Variants in GALNTL6 observed in about 807,000 individuals in gnomAD.
The protein encoded by GALNTL6 is polypeptide N-acetylgalactosaminyltransferase like 6, also known as polypeptide N-acetylgalactosaminyltransferase-like 6.
GALNTL6 carries 46 observed loss-of-function variants against 73.7 expected under a neutral mutation model. That is an observed-to-expected ratio of 0.62 (90% CI 0.49 to 0.80). The LOEUF (loss-of-function observed/expected upper bound fraction) is 0.80, where lower values mean the gene tolerates loss of function less well. GALNTL6 is among the 30% of genes least tolerant of loss of function. GALNTL6 has a pLI of 0.00. For missense variants in GALNTL6, 604 were observed against 755.0 expected (o/e 0.80, Z 2.34); for synonymous variants, 259 against 263.7 (o/e 0.98, Z 0.17).
intron 8 of GALNTL6, among the ~76,000 whole-genome samples, chr4:172,892,137 T>C (rs1746065819): frequency 6.6e-6 from 1 of 152,188 alleles, no homozygotes; most frequent in Non-Finnish European, 1.5e-5. Flanking sequence ...GAATTCTATG[T>C]CTGTTATTTC....
intron 2 of GALNTL6, among the ~76,000 whole-genome samples, chr4:172,076,535 A>G (rs1731708732): frequency 6.6e-6 from 1 of 152,254 alleles, no homozygotes; most frequent in Admixed American, 6.5e-5. Flanking sequence ...AATAAAATTA[A>G]AAAAACATTT....
intron 5 of GALNTL6, among the ~76,000 whole-genome samples, chr4:172,785,673 G>A (rs1180003544): frequency 1.3e-5 from 2 of 152,186 alleles, no homozygotes; most frequent in Non-Finnish European, 2.9e-5. Context: ...GGCACAGAGA[G>A]TGATGGGGAG....
intron 2 of GALNTL6, among the ~76,000 whole-genome samples, chr4:171,868,857 T>C (rs1396138884): frequency 7.9e-5 from 12 of 152,114 alleles, no homozygotes; most frequent in Admixed American, 7.2e-4. Flanking sequence ...GTTTTTGTAT[T>C]TTTAGTAGAG....
chr4:172,645,959 T>C (rs1461628286), intron 5 of GALNTL6, among the ~76,000 whole-genome samples: 1 of 151,962 alleles, frequency 6.6e-6, no homozygotes, highest in Non-Finnish European at 1.5e-5. Flanking sequence ...ACCTCTTCCA[T>C]GAGGGTCTTA....
intron 3 of GALNTL6, among the ~76,000 whole-genome samples, chr4:172,278,558 T>C (rs1738914620): frequency 6.6e-6 from 1 of 152,146 alleles, no homozygotes; most frequent in Admixed American, 6.5e-5. Flanking sequence ...GTAGATCAGT[T>C]GTTTCTGGAT....
chr4:172,607,437 C>T (rs1738348818), intron 5 of GALNTL6, among the ~76,000 whole-genome samples: 1 of 152,062 alleles, frequency 6.6e-6, no homozygotes, highest in African/African-American at 2.4e-5. Flanking sequence ...GGATGATGGC[C>T]CCCAGCTGCA....
At chr4:172,590,761 A>G (rs187289850) in intron 5 of GALNTL6, among the ~76,000 whole-genome samples, 4 of 152,302 alleles carry the variant, frequency 2.6e-5, no homozygotes, top group Admixed American at 1.3e-4. Context: ...GCAAATGAAG[A>G]GCTACAAGAC....
chr4:171,915,222 G>A (rs1737584713), intron 2 of GALNTL6, among the ~76,000 whole-genome samples: 2 of 152,228 alleles, frequency 1.3e-5, no homozygotes, highest in South Asian at 4.1e-4. Context: ...AGCATTGGAA[G>A]ACAAAAGACT....
chr4:172,223,426 G>A (rs1263553785), intron 2 of GALNTL6, among the ~76,000 whole-genome samples: 2 of 152,028 alleles, frequency 1.3e-5, no homozygotes, highest in Admixed American at 6.6e-5. Context: ...GATATTAGAA[G>A]AATAACAGAA....
intron 2 of GALNTL6, among the ~76,000 whole-genome samples, chr4:171,908,451 C>T (rs577123706): frequency 2.0e-5 from 3 of 152,212 alleles, no homozygotes; most frequent in East Asian, 1.9e-4. Context: ...AGTGAGATAC[C>T]ATCTCACACC....
At chr4:172,965,458 C>T (rs570204588) in intron 10 of GALNTL6, among the ~76,000 whole-genome samples, 1 of 152,060 alleles carries the variant, frequency 6.6e-6, no homozygotes, top group Non-Finnish European at 1.5e-5. Flanking sequence ...TGGCAGGCGC[C>T]TGTAGTCCCA....
chr4:171,834,077 T>G (rs142713061), intron 2 of GALNTL6, among the ~76,000 whole-genome samples: 17 of 152,020 alleles, frequency 1.1e-4, no homozygotes, highest in African/African-American at 3.9e-4. Flanking sequence ...TAAAGCCAAG[T>G]CCTCATATTT....
chr4:172,471,659 G>T (rs1238090292), intron 5 of GALNTL6, among the ~76,000 whole-genome samples: 1 of 151,996 alleles, frequency 6.6e-6, no homozygotes. Context: ...TTCCTTTTCT[G>T]TATATTATTT....
At chr4:172,690,738 A>G (rs955370376) in intron 5 of GALNTL6, among the ~76,000 whole-genome samples, 1 of 152,244 alleles carries the variant, frequency 6.6e-6, no homozygotes, top group Admixed American at 6.5e-5. Flanking sequence ...TTATTTGCAT[A>G]TCTCTCAACT....
chr4:172,796,555 C>A (rs1021493021), intron 5 of GALNTL6, among the ~76,000 whole-genome samples: 6 of 152,136 alleles, frequency 3.9e-5, no homozygotes, highest in Non-Finnish European at 8.8e-5. Context: ...TTCTTTGCAT[C>A]CAAGAATCTA....
chr4:172,212,103 C>G (rs542369260), intron 2 of GALNTL6, among the ~76,000 whole-genome samples: 1 of 152,166 alleles, frequency 6.6e-6, no homozygotes, highest in African/African-American at 2.4e-5. Context: ...TTGTTTGATA[C>G]ATTAATATGG....
intron 9 of GALNTL6, among the ~76,000 whole-genome samples, chr4:172,945,096 AT>A (rs1749101039): frequency 6.6e-6 from 1 of 152,020 alleles, no homozygotes; most frequent in Admixed American, 6.6e-5. Flanking sequence ...TACTATAAGA[AT>A]GAATACATGC....
chr4:172,412,308 C>CT (rs1198946065), intron 5 of GALNTL6, among the ~76,000 whole-genome samples: 1 of 152,146 alleles, frequency 6.6e-6, no homozygotes, highest in Non-Finnish European at 1.5e-5. Context: ...TCCCAAAGTG[C>CT]TGGGATTACA....
chr4:172,793,653 G>A (rs934671885), intron 5 of GALNTL6, among the ~76,000 whole-genome samples: 8 of 152,170 alleles, frequency 5.3e-5, no homozygotes, highest in Admixed American at 5.2e-4. Context: ...ATTTGTTGCT[G>A]GACTATCAGT....
Sources: allele counts gnomAD v4.1 joint callset (sites outside exome capture counted in the v4.1 genomes callset), GRCh38; gene constraint gnomAD v4.1.1; transcripts MANE v1.5; gene names NCBI Gene and HGNC (gene_info 2026-07-23, HGNC 2026-07-21).